The following SPOCK2 variants were observed in gnomAD, a reference collection of about 807,000 sequenced individuals.
SPOCK2 encodes the protein SPARC (osteonectin), cwcv and kazal like domains proteoglycan 2, also known as testican-2.
In SPOCK2, 39 loss-of-function variants were observed where a neutral mutation model predicts 60.1. The ratio of observed to expected loss-of-function variants is 0.65; its 90% confidence interval spans 0.50 to 0.85. The LOEUF (loss-of-function observed/expected upper bound fraction) is 0.85, where lower values mean the gene tolerates loss of function less well. Ranked by LOEUF, SPOCK2 falls within the 40% of genes least tolerant of loss-of-function variation. SPOCK2 has a pLI of 0.00. For missense variants in SPOCK2, 523 were observed against 567.4 expected, an observed-to-expected ratio of 0.92 and a Z score of 0.80; for synonymous variants, 217 against 231.5, an observed-to-expected ratio of 0.94 and a Z score of 0.57.
intron 1 of SPOCK2, among the ~76,000 whole-genome samples, chr10:72,081,894 G>A (rs916582289): frequency 1.9e-4 from 29 of 152,080 alleles, no homozygotes; most frequent in Non-Finnish European, 3.8e-4. Context: ...TGCAGAGAAC[G>A]GGCTGGATGA....
Position 72,062,962 on chromosome 10 carries a change from C to A in SPOCK2, c.1130-57G>T. The A allele has an allele frequency of 6.3e-7, 1 of 1,583,262 alleles. No individual in the cohort carries two copies. Among genetic ancestry groups the A allele is most frequent in the Non-Finnish European group, 8.6e-7 (1 of 1,167,406 alleles). On this transcript the variant is annotated intron_variant, in intron 10 of 10. Transcript: ENST00000373109. The surrounding 1 kb of genome is among the most constrained non-coding windows in gnomAD (Gnocchi z 4.3). ...GGAGCTTCTGGCACGCACCCCCCAG[C>A]ATCCCACGACAAGGGCCCCCAGGCC...
chr10:72,086,549 C>T (rs1840857499), intron 1 of SPOCK2: 3 of 1,141,852 alleles, frequency 2.6e-6, no homozygotes, highest in African/African-American at 1.7e-5. Context: ...CTGCTGCCGC[C>T]CCCTCGCTGC....
At chr10:72,086,940 G>A (rs1385643755) in intron 1 of SPOCK2, 1 of 1,551,680 alleles carries the variant, frequency 6.4e-7, no homozygotes, top group East Asian at 2.4e-5. Flanking sequence ...AGGAGAAAAC[G>A]GGAGAGGTCA....
chr10:72,072,666 C>T lies in SPOCK2; in HGVS notation c.199-118G>A, dbSNP rs556776175. 1.1e-4 allele frequency: 163 copies of T among 1,492,100 alleles called. 2 individuals carry two copies. The highest frequency in any genetic ancestry group is 5.2e-4 in the South Asian group (44 of 84,962). 92.4% of individuals were successfully genotyped at this position (1,492,100 alleles called of 1,614,324 possible). ...GATGTCATGTGCCAATGGCCGTCAT[C>T]CTGGTGGCTGACCCCTGTCCACCCA... On this transcript the variant is annotated intron_variant, in intron 2 of 10. Coordinates refer to ENST00000373109, the MANE Select transcript of SPOCK2 (RefSeq NM_001244950.2).
At chr10:72,078,129 C>G (rs1278901977) in intron 1 of SPOCK2, among the ~76,000 whole-genome samples, 1 of 152,220 alleles carries the variant, frequency 6.6e-6, no homozygotes, top group Non-Finnish European at 1.5e-5. Flanking sequence ...ATTCTGACAT[C>G]TTTCTGCTTT....
At chr10:72,071,799 T>C (rs960109204) in intron 4 of SPOCK2, among the ~76,000 whole-genome samples, 3 of 152,094 alleles carry the variant, frequency 2.0e-5, no homozygotes, top group Admixed American at 2.0e-4. Flanking sequence ...CAAGCATCCC[T>C]ATGGAGGGGT....
At chr10:72,067,806 G>GC (rs1449744676) in intron 6 of SPOCK2, 74 bp from the exon 7 acceptor site, 41 of 1,556,668 alleles carry the variant, frequency 2.6e-5, no homozygotes, top group Admixed American at 5.6e-5. Context: ...CTGGGATCCT[G>GC]CCCTACAGGC....
chr10:72,067,510 T>C lies in SPOCK2; in HGVS notation c.709+103A>G, dbSNP rs1840586138. On this transcript the variant is annotated intron_variant, in intron 7 of 10. Coordinates refer to ENST00000373109, the MANE Select transcript of SPOCK2 (RefSeq NM_001244950.2). ...GGGGCCCAGATTGTAGGGCCCAGAG[T>C]CTGGCAGGAAGGAACAAGGGCAGAC... is the stretch of plus-strand genomic sequence containing the variant. 5 of 1,555,418 alleles carry C rather than the reference T, an allele frequency of 3.2e-6. No homozygotes were observed. In the Admixed American group the frequency reaches 5.2e-5, roughly 16 times the overall value.
In SPOCK2 at chr10:72,062,937, G is replaced by C. The variant is rs959559623; in HGVS notation, c.1130-32C>G. On this transcript the variant is annotated intron_variant, in intron 10 of 10. Coordinates refer to ENST00000373109, the MANE Select transcript of SPOCK2 (RefSeq NM_001244950.2). This position sits in a 1 kb window ranked among gnomAD's most constrained non-coding sequence, Gnocchi z 4.3. ...GGGGATCAAGCCAACAGGGGGTGAG[G>C]GAGCTTCTGGCACGCACCCCCCAGC... 15 of 1,591,966 alleles carry C rather than the reference G, an allele frequency of 9.4e-6. No homozygotes were observed. Among genetic ancestry groups the C allele is most frequent in the Non-Finnish European group, 1.3e-5 (15 of 1,172,286 alleles).
intron 1 of SPOCK2, chr10:72,086,799 G>C: frequency 4.0e-6 from 6 of 1,514,508 alleles, no homozygotes; most frequent in Non-Finnish European, 5.3e-6. Flanking sequence ...ACTTTGGGGA[G>C]AAACAGTCAC....
intron 6 of SPOCK2, among the ~76,000 whole-genome samples, chr10:72,067,937 G>A (rs1840594065): frequency 6.6e-6 from 1 of 152,096 alleles, no homozygotes; most frequent in Admixed American, 6.5e-5. Context: ...AAAACACACA[G>A]CCCAGGTTCC....
chr10:72,063,186 G>A, intron 9 of SPOCK2, 24 bp from the exon 10 acceptor site: 1 of 1,553,940 alleles, frequency 6.4e-7, no homozygotes, highest in Non-Finnish European at 8.7e-7. Flanking sequence ...TGCCAGGCAG[G>A]GTCAGAGCAG....
intron 1 of SPOCK2, among the ~76,000 whole-genome samples, chr10:72,078,303 C>G (rs538465745): frequency 1.3e-5 from 2 of 152,206 alleles, no homozygotes; most frequent in Admixed American, 1.3e-4. Context: ...ATCACGAGGT[C>G]AGGAGATCGA....
In SPOCK2 at chr10:72,060,577, G is replaced by C. The variant is rs897969431; in HGVS notation, c.*2183C>G. ...TAGGTAGACTCCAATCCTAGCAAGA[G>C]CAGAAGTTTCAAGTAGCTCCGAGTC... On this transcript the variant is annotated 3_prime_UTR_variant, in exon 11 of 11. Transcript: ENST00000373109. 6.6e-6 allele frequency: 1 copy of C among 152,358 alleles called. No individual in the cohort carries two copies. Among genetic ancestry groups the C allele is most frequent in the Non-Finnish European group, 1.5e-5 (1 of 68,024 alleles). The allele number at this position is 152,358 out of a possible 1,614,324, so 9.4% of individuals were successfully genotyped here.
At chr10:72,064,316 G>T in intron 8 of SPOCK2, 76 bp from the exon 9 acceptor site, 2 of 1,434,730 alleles carry the variant, frequency 1.4e-6, no homozygotes, top group South Asian at 2.9e-5. Context: ...TCAAGGCTTA[G>T]AGACCCAGGC....
Position 72,067,740 on chromosome 10 carries a change from A to G in SPOCK2, c.590-8T>C, listed in dbSNP as rs757009869. 13 of 1,612,546 alleles carry G rather than the reference A, an allele frequency of 8.1e-6. No homozygotes were observed. The highest frequency in any genetic ancestry group is 3.4e-6 in the Non-Finnish European group (4 of 1,179,552). ...CCTGACCGGTGCAAGTCTCTGCAGA[A>G]CAGAGAGAAGGCATGGAGGGCGAAT... On this transcript the variant is annotated splice_region_variant and splice_polypyrimidine_tract_variant and intron_variant, in intron 6 of 10. Transcript: ENST00000373109.
At chr10:72,073,046 C>T (rs1262525366) in intron 1 of SPOCK2, 136 bp from the exon 2 acceptor site, 14 of 1,226,952 alleles carry the variant, frequency 1.1e-5, no homozygotes, top group Middle Eastern at 1.9e-4. Context: ...CAATGGCCTT[C>T]GATGGCTGTG....
At chr10:72,083,866 C>T (rs184099931) in intron 1 of SPOCK2, among the ~76,000 whole-genome samples, 1 of 152,280 alleles carries the variant, frequency 6.6e-6, no homozygotes, top group East Asian at 1.9e-4. Context: ...CATCCTGACC[C>T]ACTTTTGGGT....
chr10:72,062,778 G>A lies in SPOCK2; in HGVS notation c.1257C>T (p.Asp419=), dbSNP rs189721080. 5.1e-5 allele frequency: 82 copies of A among 1,607,092 alleles called. No homozygotes were observed. In the East Asian group the frequency reaches 9.4e-4, roughly 18 times the overall value. The change falls in exon 11 of 11, where the codon GAC becomes GAT. Residue 419 remains aspartate (D), a synonymous_variant. Transcript: ENST00000373109. The surrounding 1 kb of genome is among the most constrained non-coding windows in gnomAD (Gnocchi z 4.3). ...AGGGCGTCTACCAGATGTAGCCCCC[G>A]TCGTCAGCCTCGCCTGCCTCGCCCT... The part of the protein sequence containing the change: ...EEEGEAGEAD[D]GGYIW
Sources: allele counts gnomAD v4.1 joint callset (sites outside exome capture counted in the v4.1 genomes callset), GRCh38; gene constraint gnomAD v4.1.1; non-coding constraint Gnocchi (gnomAD v3.1); transcripts MANE v1.5; gene names NCBI Gene and HGNC (gene_info 2026-07-23, HGNC 2026-07-21).